The following DCHS2 variants were observed in gnomAD, a reference collection of about 807,000 sequenced individuals.
DCHS2 encodes protocadherin-23.
A neutral mutation model predicts 182.4 loss-of-function variants in DCHS2; 142 were observed. That is an observed-to-expected ratio of 0.78 (90% CI 0.68 to 0.89). The LOEUF (loss-of-function observed/expected upper bound fraction) is 0.89, where lower values mean the gene tolerates loss of function less well. Among genes scored for constraint, DCHS2 ranks in the 40% least tolerant of loss-of-function variants. The pLI, the probability that DCHS2 is intolerant of heterozygous loss-of-function variation, is 0.00. For synonymous variants in DCHS2, 1,740 were observed against 1,663.3 expected (o/e 1.05, Z -1.12); for missense variants, 4,319 against 4,198.6 (o/e 1.03, Z -0.79).
Position 154,333,472 on chromosome 4 carries a change from G to A in DCHS2, c.2736C>T (p.Tyr912=). The change falls in exon 5 of 20, where the codon TAC becomes TAT. Residue 912 remains tyrosine, a synonymous_variant. Coordinates refer to ENST00000357232, the MANE Select transcript of DCHS2 (RefSeq NM_001358235.2). ...EPLNSSEPIF[Y]RISSGDLGGK... is the part of the protein sequence containing the mutation. The stretch of plus-strand genomic sequence containing the variant: ...CGCCGAGATCACCAGAAGAAATCCT[G>A]TAAAAGATTGGTTCTGAGGAGTCTG... The A allele has an allele frequency of 6.2e-7, 1 of 1,613,062 alleles. No homozygotes were observed. The highest frequency in any genetic ancestry group is 8.5e-7 in the Non-Finnish European group (1 of 1,179,368).
chr4:154,321,231 C>A lies in DCHS2; in HGVS notation c.4177-9G>T. 4 of 1,474,134 alleles carry A rather than the reference C, an allele frequency of 2.7e-6. No homozygotes were observed. The highest frequency in any genetic ancestry group is 3.1e-5 in the South Asian group (2 of 65,220). 91.3% of individuals were successfully genotyped at this position (1,474,134 alleles called of 1,614,324 possible). A position where few individuals can be genotyped will look rare whatever the true frequency, so the allele number is the denominator to read the frequency against. ...TTGGATAGTGGGATCACCTGAAATA[C>A]GAATAAAAGAGATATTAATTTGGGG... On this transcript the variant is annotated splice_polypyrimidine_tract_variant and intron_variant, in intron 8 of 19. Transcript: ENST00000357232.
intron 1 of DCHS2, among the ~76,000 whole-genome samples, chr4:154,465,747 T>C (rs1735214940): frequency 6.6e-6 from 1 of 152,062 alleles, no homozygotes; most frequent in Admixed American, 6.5e-5. Flanking sequence ...CAGTTCACCC[T>C]CAATAAAGGA....
intron 1 of DCHS2, among the ~76,000 whole-genome samples, chr4:154,424,604 T>C (rs1395788232): frequency 6.6e-6 from 1 of 152,202 alleles, no homozygotes; most frequent in African/African-American, 2.4e-5. Context: ...TCTTGGATTT[T>C]AGAATAAACA....
At chr4:154,394,686 T>C (rs1038133527) in intron 1 of DCHS2, among the ~76,000 whole-genome samples, 1 of 152,156 alleles carries the variant, frequency 6.6e-6, no homozygotes, top group African/African-American at 2.4e-5. Flanking sequence ...TTATCCTCTT[T>C]AGCCTGGTCC....
intron 1 of DCHS2, among the ~76,000 whole-genome samples, chr4:154,392,364 A>T (rs939855108): frequency 1.3e-5 from 2 of 152,208 alleles, no homozygotes; most frequent in African/African-American, 2.4e-5. Context: ...CAGTGGAAGG[A>T]TGCATTCCCA....
chr4:154,491,696 G>T lies in DCHS2; in HGVS notation c.-341C>A, dbSNP rs1038287154. The T allele has an allele frequency of 2.1e-5, 24 of 1,121,256 alleles. No individual in the cohort carries two copies. The highest frequency in any genetic ancestry group is 3.3e-5 in the African/African-American group (2 of 61,404). The allele number at this position is 1,121,256 out of a possible 1,614,324, so 69.5% of individuals were successfully genotyped here. A position where few individuals can be genotyped will look rare whatever the true frequency, so the allele number is the denominator to read the frequency against. On this transcript the variant is annotated 5_prime_UTR_variant, in exon 1 of 20. Coordinates refer to ENST00000357232, the MANE Select transcript of DCHS2 (RefSeq NM_001358235.2). The stretch of plus-strand genomic sequence containing the variant: ...TCTACTCGGCTGGTTGTTCCCCCCT[G>T]GTAAAGTCAGGTGCATTATTTCTTT...
intron 14 of DCHS2, among the ~76,000 whole-genome samples, chr4:154,265,925 A>G (rs1733232879): frequency 6.6e-6 from 1 of 152,168 alleles, no homozygotes; most frequent in Admixed American, 6.5e-5. Context: ...CCCTATATAT[A>G]CTATGCTTTT....
intron 13 of DCHS2, among the ~76,000 whole-genome samples, chr4:154,286,414 G>A (rs1381859918): frequency 6.6e-6 from 1 of 152,046 alleles, no homozygotes; most frequent in Admixed American, 6.6e-5. Flanking sequence ...TTCAGACAGA[G>A]AATTCAAAAC....
chr4:154,360,656 A>T (rs1365499003), intron 3 of DCHS2, among the ~76,000 whole-genome samples: 1 of 152,138 alleles, frequency 6.6e-6, no homozygotes, highest in Non-Finnish European at 1.5e-5. Flanking sequence ...ACATGGTATA[A>T]AATCTGAGCA....
rs1164868040 is a variant in DCHS2, at chr4:154,235,556, TTTC to T, written c.9093_9095del (p.Lys3032del). On this transcript the variant is annotated inframe_deletion, in exon 20 of 20. Transcript: ENST00000357232. Reference sequence around the variant, plus strand: ...TCAAGTCCGCATCTAAAGATGAGGTTTTCTTCTCCTCATAATTGTTTATTGTGT... The same window carrying T: ...TCAAGTCCGCATCTAAAGATGAGGTTTTCTCCTCATAATTGTTTATTGTGT... 1 of 1,614,066 alleles carries T rather than the reference TTTC, an allele frequency of 6.2e-7. No individual in the cohort carries two copies. Among genetic ancestry groups the T allele is most frequent in the South Asian group, 1.1e-5 (1 of 91,072 alleles).
Position 154,341,816 on chromosome 4 carries a change from A to C in DCHS2, c.2477-6712T>G, listed in dbSNP as rs560155376. ...CTTAAACCTACCATGGTTTTACCTT[A>C]ATCTCCCAGGTAATATCAGACAGAA... On this transcript the variant is annotated intron_variant, in intron 3 of 19. Transcript: ENST00000357232. Among the ~76,000 whole-genome samples, 6 of 152,308 alleles carry C rather than the reference A, an allele frequency of 3.9e-5. No individual in the cohort carries two copies. The East Asian group carries it at 9.6e-4, about 24-fold the overall frequency.
At chr4:154,246,427 A>G (rs1265738570) in intron 16 of DCHS2, among the ~76,000 whole-genome samples, 2 of 152,146 alleles carry the variant, frequency 1.3e-5, no homozygotes, top group Non-Finnish European at 1.5e-5. Flanking sequence ...CCTGTGGTAC[A>G]TTTGAAAGTG....
In DCHS2 at chr4:154,490,620, G is replaced by A. The variant is rs571321208; in HGVS notation, c.736C>T (p.Leu246=). ...AAGCGCCGCAGCAGCACCAGATCTA[G>A]AGGCTCCAGGGGTGACGAGGAGCCT... The part of the protein sequence containing the change: ...LPGSSSPLEP[L]DLVLLRRLDR... Residue 246 remains leucine (L), a synonymous_variant, in exon 1 of 20, where the codon CTA becomes TTA. Coordinates refer to ENST00000357232, the MANE Select transcript of DCHS2 (RefSeq NM_001358235.2). 1.9e-4 allele frequency: 296 copies of A among 1,549,970 alleles called. 2 individuals are homozygous for A. In the African/African-American group the frequency reaches 3.8e-3, roughly 20 times the overall value.
intron 1 of DCHS2, among the ~76,000 whole-genome samples, chr4:154,410,961 T>A (rs754104969): frequency 5.9e-5 from 9 of 152,134 alleles, no homozygotes; most frequent in Non-Finnish European, 1.2e-4. Context: ...CAGGAGAGAA[T>A]GAGATGTTAT....
intron 19 of DCHS2, among the ~76,000 whole-genome samples, chr4:154,238,621 A>G (rs771003180): frequency 4.6e-5 from 7 of 152,240 alleles, no homozygotes; most frequent in Non-Finnish European, 1.0e-4. Flanking sequence ...TAAAAAGACA[A>G]AAAGCCTTGG....
chr4:154,333,102 A>G lies in DCHS2; in HGVS notation c.3106T>C (p.Phe1036Leu), dbSNP rs771192896. Residue 1036 changes from phenylalanine to leucine, a missense_variant, in exon 5 of 20, where the codon TTC (phenylalanine) becomes CTC (leucine). Phe to Leu is a conservative substitution (Grantham distance 22). Coordinates refer to ENST00000357232, the MANE Select transcript of DCHS2 (RefSeq NM_001358235.2). ...FAIDRALGVL[F>L]LNGSLGAGEQ... ...CCCGCGCCCAGGCTGCCGTTGAGGA[A>G]CAGCACCCCCAGGGCTCTGTCGATG... The G allele has an allele frequency of 1.6e-5, 26 of 1,613,928 alleles. No homozygotes were observed. The highest frequency in any genetic ancestry group is 1.9e-5 in the Non-Finnish European group (22 of 1,180,026).
At position 154,268,227 on chromosome 4, in the gene DCHS2, CT is replaced by C. The variant is rs112192969; in HGVS notation, c.6577+1672del. On this transcript the variant is annotated intron_variant, in intron 14 of 19. Coordinates refer to ENST00000357232, the MANE Select transcript of DCHS2 (RefSeq NM_001358235.2). The stretch of plus-strand genomic sequence containing the variant: ...TTAAATTGAGAACTTTCACCTTTCA[CT>C]TTCCCCCCCCCAAAAAAATAACGCT... 2.1e-3 allele frequency among the ~76,000 whole-genome samples: 303 copies of C among 146,942 alleles called. 5 individuals are homozygous for C. The South Asian group carries it at 0.032, about 15-fold the overall frequency.
intron 13 of DCHS2, among the ~76,000 whole-genome samples, chr4:154,274,396 T>G (rs1733736624): frequency 6.6e-6 from 1 of 152,192 alleles, no homozygotes; most frequent in Non-Finnish European, 1.5e-5. Flanking sequence ...CTAACCCTTT[T>G]GGCACTTAGA....
intron 2 of DCHS2, among the ~76,000 whole-genome samples, chr4:154,376,542 T>C (rs969844398): frequency 6.6e-6 from 1 of 152,196 alleles, no homozygotes; most frequent in Admixed American, 6.5e-5. Context: ...CAAATAGTTG[T>C]TGTGAGAACA....
Sources: allele counts gnomAD v4.1 joint callset (sites outside exome capture counted in the v4.1 genomes callset), GRCh38; gene constraint gnomAD v4.1.1; transcripts MANE v1.5; gene names NCBI Gene and HGNC (gene_info 2026-07-23, HGNC 2026-07-21).